SATL1: variants seen among roughly 807,000 people sequenced by gnomAD.
The protein encoded by SATL1 is spermidine/spermine N1-acetyl transferase like 1, also known as spermidine/spermine N(1)-acetyltransferase-like protein 1.
SATL1 carries 47 observed loss-of-function variants against 51.8 expected under a neutral mutation model. That is an observed-to-expected ratio of 0.91 (90% confidence interval 0.72 to 1.16). The LOEUF is 1.16. Ranked by LOEUF, SATL1 falls within the 50% of genes most tolerant of loss-of-function variation. The pLI is 0.00. For missense variants in SATL1, 520 were observed against 526.4 expected, an observed-to-expected ratio of 0.99 and a Z score of 0.12; for synonymous variants, 176 against 182.4, an observed-to-expected ratio of 0.97 and a Z score of 0.28.
intron 2 of SATL1, among the ~76,000 whole-genome samples, chrX:85,115,289 G>A (rs1925357631): frequency 8.9e-6 from 1 of 112,519 alleles, no homozygotes; most frequent in Non-Finnish European, 1.9e-5. Context: ...AAGCAAATAG[G>A]TGAGTTCCTC....
At chrX:85,164,703 A>G (rs1260006544) in intron 2 of SATL1, among the ~76,000 whole-genome samples, 1 of 106,101 alleles carries the variant, frequency 9.4e-6, no homozygotes, top group Non-Finnish European at 1.9e-5. Context: ...TAACCTAATG[A>G]CTATGTGCCT....
intron 6 of SATL1, 79 bp downstream of exon 6, chrX:85,094,049 A>G: frequency 1.9e-6 from 1 of 521,138 alleles, no homozygotes; most frequent in East Asian, 3.7e-5. Flanking sequence ...CCGTATGTAT[A>G]GTAAAGCCCT....
At chrX:85,195,131 G>A (rs1927530382) in intron 2 of SATL1, among the ~76,000 whole-genome samples, 2 of 111,091 alleles carry the variant, frequency 1.8e-5, no homozygotes, top group Non-Finnish European at 3.8e-5. Flanking sequence ...CAGTAGGTCT[G>A]CAGCTTAGGA....
At chrX:85,133,983 TGAAA>T (rs754072824) in intron 2 of SATL1, among the ~76,000 whole-genome samples, 34 of 111,928 alleles carry the variant, frequency 3.0e-4, no homozygotes, top group African/African-American at 1.1e-3. Context: ...AAAAAGAAAC[TGAAA>T]GAAATACACA....
chrX:85,107,308 T>G lies in SATL1; in HGVS notation c.1641+20A>C. On this transcript the variant is annotated intron_variant, in intron 3 of 7. Coordinates refer to ENST00000644105, the MANE Select transcript of SATL1 (RefSeq NM_001367857.2). Reference sequence around the variant, plus strand: ...CCTACACCAATGCCATGAGGCTCCATGTAATAAAAATAGGCTTACTTTAAT... The same window carrying G: ...CCTACACCAATGCCATGAGGCTCCAGGTAATAAAAATAGGCTTACTTTAAT... 8.5e-7 allele frequency: 1 copy of G among 1,175,226 alleles called. No individual in the cohort carries two copies. Among genetic ancestry groups the G allele is most frequent in the Non-Finnish European group, 1.2e-6 (1 of 863,875 alleles).
intron 6 of SATL1, 71 bp from the exon 7 acceptor site, chrX:85,093,296 AAAT>A (rs1384589450): frequency 4.1e-6 from 4 of 982,370 alleles, no homozygotes; most frequent in African/African-American, 3.9e-5. Context: ...AGTTTAAAAT[AAAT>A]AATATCTAAA....
chrX:85,114,093 C>A (rs1925326887), intron 2 of SATL1, among the ~76,000 whole-genome samples: 1 of 111,257 alleles, frequency 9.0e-6, no homozygotes, highest in African/African-American at 3.3e-5. Flanking sequence ...TAATTTTGTC[C>A]CATTACAAAA....
chrX:85,152,906 A>C (rs1926492365), intron 2 of SATL1, among the ~76,000 whole-genome samples: 1 of 110,495 alleles, frequency 9.1e-6, no homozygotes, highest in Admixed American at 9.7e-5. Context: ...AGCATGGCAC[A>C]TGTATACATA....
intron 2 of SATL1, among the ~76,000 whole-genome samples, chrX:85,114,291 A>G (rs1283335691): frequency 4.5e-5 from 5 of 111,337 alleles, no homozygotes; most frequent in Non-Finnish European, 9.4e-5. Context: ...TGTTTTCTTG[A>G]CTCTGAAAAA....
At chrX:85,153,559 G>T (rs373249467) in intron 2 of SATL1, among the ~76,000 whole-genome samples, 7 of 111,960 alleles carry the variant, frequency 6.3e-5, no homozygotes, top group African/African-American at 1.9e-4. Context: ...AAACCTGTAG[G>T]CTTTAGAGTG....
intron 2 of SATL1, among the ~76,000 whole-genome samples, chrX:85,208,356 T>A (rs1299322593): frequency 8.9e-6 from 1 of 111,784 alleles, no homozygotes; most frequent in Non-Finnish European, 1.9e-5. Flanking sequence ...AGTGCCGCAA[T>A]AAACATACGT....
intron 2 of SATL1, among the ~76,000 whole-genome samples, chrX:85,202,852 G>A (rs1016553761): frequency 6.3e-5 from 7 of 111,555 alleles, no homozygotes; most frequent in Middle Eastern, 4.2e-3. Context: ...GTCTTTGCTC[G>A]TTCATTAGTC....
At chrX:85,134,083 G>T (rs1271541106) in intron 2 of SATL1, among the ~76,000 whole-genome samples, 1 of 111,315 alleles carries the variant, frequency 9.0e-6, no homozygotes, top group African/African-American at 3.3e-5. Flanking sequence ...AGCTTCAAAA[G>T]CATATGTGAA....
chrX:85,237,739 TGCAC>T (rs1234906548), intron 1 of SATL1, among the ~76,000 whole-genome samples: 3 of 111,534 alleles, frequency 2.7e-5, no homozygotes, highest in Non-Finnish European at 5.7e-5. Context: ...AAACAGCTTA[TGCAC>T]AGCAAAGGAA....
Position 85,092,407 on chromosome X carries a change from A to G in SATL1, c.2072T>C (p.Met691Thr), listed in dbSNP as rs1569462958. The G allele has an allele frequency of 3.4e-6, 4 of 1,173,248 alleles. No homozygotes were observed. The highest frequency in any genetic ancestry group is 1.9e-5 in the South Asian group (1 of 52,480). The stretch of plus-strand genomic sequence containing the variant: ...AAGCCTCTTTCATTCTTCCCATGCC[A>G]TGTCCAGGAGTTCTTCTCTGTTAAA... ...FRFNREELLD[M>T]AWEE The change falls in exon 8 of 8, where the codon ATG (methionine) becomes ACG (threonine). Residue 691 changes from methionine (M) to threonine (T), a missense_variant. Physicochemically the swap from Met to Thr is moderately conservative, Grantham distance 81. Transcript: ENST00000644105.
chrX:85,109,411 C>G, intron 2 of SATL1, 131 bp from the exon 3 acceptor site: 1 of 166,806 alleles, frequency 6.0e-6, no homozygotes, highest in Non-Finnish European at 1.1e-5. Flanking sequence ...TACGTGCTCC[C>G]CCGTGTGGTG....
chrX:85,159,904 C>T (rs73627325), intron 2 of SATL1, among the ~76,000 whole-genome samples: 2,005 of 111,448 alleles, frequency 0.018, 45 homozygotes, highest in African/African-American at 0.062. Flanking sequence ...CACCACCCTA[C>T]GAAACACCTT....
At chrX:85,149,696 A>G (rs1266146664) in intron 2 of SATL1, among the ~76,000 whole-genome samples, 1 of 111,447 alleles carries the variant, frequency 9.0e-6, no homozygotes, top group Non-Finnish European at 1.9e-5. Context: ...AAACTGAACA[A>G]CCTGCTCCTG....
chrX:85,155,094 A>G (rs1476863642), intron 2 of SATL1, among the ~76,000 whole-genome samples: 1 of 111,620 alleles, frequency 9.0e-6, no homozygotes, highest in Admixed American at 9.6e-5. Flanking sequence ...TAAATTTTGC[A>G]CCATAATTCC....
Sources: gnomAD v4.1 joint callset for allele counts (sites outside exome capture counted in the v4.1 genomes callset) on GRCh38, gnomAD v4.1.1 for gene constraint, MANE v1.5 for transcripts, NCBI Gene and HGNC (gene_info 2026-07-23, HGNC 2026-07-21) for gene names.